The following UNC79 variants were observed in gnomAD, a reference collection of about 807,000 sequenced individuals.
The protein encoded by UNC79 is protein unc-79 homolog.
UNC79 carries 37 observed loss-of-function variants against 283.1 expected under a neutral mutation model. That is an observed-to-expected ratio of 0.13 (90% CI 0.10 to 0.17). The LOEUF (loss-of-function observed/expected upper bound fraction) is 0.17, where lower values mean the gene tolerates loss of function less well. Among genes scored for constraint, UNC79 ranks in the 10% least tolerant of loss-of-function variants. The pLI, the probability that UNC79 is intolerant of heterozygous loss-of-function variation, is 1.00. For missense variants in UNC79, 2,272 were observed against 3,211.1 expected (o/e 0.71, Z 7.07); for synonymous variants, 1,107 against 1,200.2 (o/e 0.92, Z 1.61).
At chr14:93,438,489 G>C (rs1034771551) in intron 1 of UNC79, among the ~76,000 whole-genome samples, 2 of 152,096 alleles carry the variant, frequency 1.3e-5, no homozygotes, top group African/African-American at 4.8e-5. Flanking sequence ...AAATGAACTT[G>C]GGATGACTTA....
At chr14:93,583,328 A>T (rs933527643) in intron 20 of UNC79, among the ~76,000 whole-genome samples, 3 of 151,114 alleles carry the variant, frequency 2.0e-5, no homozygotes, top group Admixed American at 6.6e-5. Context: ...AAAAAAAAAA[A>T]AAATAATAAA....
At chr14:93,337,018 A>G (rs2053592268) in intron 1 of UNC79, among the ~76,000 whole-genome samples, 1 of 152,146 alleles carries the variant, frequency 6.6e-6, no homozygotes, top group Admixed American at 6.5e-5. Flanking sequence ...GTGAAACCCC[A>G]CCTTCAAACC....
chr14:93,522,307 C>T (rs1383768788), intron 7 of UNC79, among the ~76,000 whole-genome samples: 1 of 151,892 alleles, frequency 6.6e-6, no homozygotes, highest in Admixed American at 6.6e-5. Flanking sequence ...TCTTATAATA[C>T]ACTGATTTGG....
intron 41 of UNC79, among the ~76,000 whole-genome samples, chr14:93,681,096 T>G (rs968092432): frequency 6.6e-6 from 1 of 152,218 alleles, no homozygotes; most frequent in Non-Finnish European, 1.5e-5. Flanking sequence ...ATGTTACCAG[T>G]TGTCCCCTTC....
At chr14:93,644,120 T>G (rs2069338537) in intron 34 of UNC79, among the ~76,000 whole-genome samples, 1 of 152,172 alleles carries the variant, frequency 6.6e-6, no homozygotes, top group Admixed American at 6.5e-5. Context: ...ACTATGAAAC[T>G]TGGGGCATTG....
rs1450071533 is a variant in UNC79, at chr14:93,662,723, GCTT to G, written c.6636+11_6636+13del. The G allele has an allele frequency of 6.3e-7, 1 of 1,593,648 alleles. No homozygotes were observed. Among genetic ancestry groups the G allele is most frequent in the Admixed American group, 1.7e-5 (1 of 59,242 alleles). On this transcript the variant is annotated intron_variant, in intron 40 of 48. Coordinates refer to ENST00000555664, the Ensembl canonical transcript of UNC79. ...ACCGAGCTTTCACTAAGGTAAGCAA[GCTT>G]CCATATGTGTGTTCCTGTGAAACTG...
intron 22 of UNC79, among the ~76,000 whole-genome samples, chr14:93,588,474 C>T (rs2064373708): frequency 6.6e-6 from 1 of 152,114 alleles, no homozygotes; most frequent in African/African-American, 2.4e-5. Context: ...GGTGCGATGG[C>T]TCATACCTGT....
At chr14:93,376,497 T>C (rs1454053032) in intron 1 of UNC79, among the ~76,000 whole-genome samples, 1 of 152,208 alleles carries the variant, frequency 6.6e-6, no homozygotes, top group Non-Finnish European at 1.5e-5. Context: ...TATACACATA[T>C]ACACATATAG....
chr14:93,637,152 CTT>C (rs2068576248), intron 31 of UNC79, 62 bp from the exon 35 acceptor site: 5 of 864,688 alleles, frequency 5.8e-6, no homozygotes, highest in Non-Finnish European at 8.1e-6. Context: ...TGGTTAAATT[CTT>C]TGTGTTCTAA....
At chr14:93,479,231 T>TTC (rs1566975336) in intron 4 of UNC79, among the ~76,000 whole-genome samples, 3 of 125,422 alleles carry the variant, frequency 2.4e-5, no homozygotes, top group Admixed American at 8.2e-5. Flanking sequence ...TTCCTTCCTT[T>TTC]CCTTCCTTCC....
intron 39 of UNC79, among the ~76,000 whole-genome samples, chr14:93,660,563 A>ATATATATATG (rs1203621990): frequency 6.6e-4 from 43 of 64,762 alleles, no homozygotes; most frequent in African/African-American, 1.3e-3. Flanking sequence ...ATATATATAT[A>ATATATATATG]TGTGTGTGTG....
intron 1 of UNC79, among the ~76,000 whole-genome samples, chr14:93,395,466 A>G (rs1011677922): frequency 3.3e-5 from 5 of 152,168 alleles, no homozygotes; most frequent in African/African-American, 1.2e-4. Flanking sequence ...GAGAGAGAGC[A>G]AAGAGGGAAA....
intron 1 of UNC79, among the ~76,000 whole-genome samples, chr14:93,382,063 G>A (rs2054675613): frequency 6.6e-6 from 1 of 152,156 alleles, no homozygotes; most frequent in South Asian, 2.1e-4. Context: ...CCCTGAACTG[G>A]ACATATTATT....
At chr14:93,665,293 G>T (rs1190131883) in intron 40 of UNC79, among the ~76,000 whole-genome samples, 10 of 150,522 alleles carry the variant, frequency 6.6e-5, no homozygotes. Flanking sequence ...AACAATCACT[G>T]ATATAAAAAA....
At chr14:93,431,718 T>C (rs2055886181) in intron 1 of UNC79, among the ~76,000 whole-genome samples, 1 of 152,216 alleles carries the variant, frequency 6.6e-6, no homozygotes, top group South Asian at 2.1e-4. Context: ...GCTTCCTTTG[T>C]AGGGCAGCCC....
chr14:93,593,779 C>G, exon 23 of UNC79: 1 of 1,614,066 alleles, frequency 6.2e-7, no homozygotes, highest in Non-Finnish European at 8.5e-7. Flanking sequence ...CTGACATCTT[C>G]TGGACAATCA....
intron 48 of UNC79, 34 bp downstream of exon 51, chr14:93,704,700 T>C: frequency 6.2e-7 from 1 of 1,611,762 alleles, no homozygotes; most frequent in African/African-American, 1.3e-5. Flanking sequence ...GGAAGCTCGG[T>C]TTCCTGCAGA....
At chr14:93,620,112 T>C (rs1403815407) in intron 29 of UNC79, among the ~76,000 whole-genome samples, 1 of 152,192 alleles carries the variant, frequency 6.6e-6, no homozygotes, top group Non-Finnish European at 1.5e-5. Context: ...AAGTGACCGG[T>C]TTGTTTATGT....
intron 1 of UNC79, among the ~76,000 whole-genome samples, chr14:93,348,574 C>T (rs150094445): frequency 0.013 from 2,002 of 152,242 alleles, 54 homozygotes; most frequent in African/African-American, 0.046. Flanking sequence ...TGCCATGCCA[C>T]ACTTCACAAT....
Sources: gnomAD v4.1 joint callset for allele counts (sites outside exome capture counted in the v4.1 genomes callset) on GRCh38, gnomAD v4.1.1 for gene constraint, MANE v1.5 for transcripts, NCBI Gene and HGNC (gene_info 2026-07-23, HGNC 2026-07-21) for gene names.